Variants in ZDHHC20 observed in about 807,000 individuals in gnomAD.
ZDHHC20 encodes zDHHC palmitoyltransferase 20.
ZDHHC20 carries 43 observed loss-of-function variants against 57.8 expected under a neutral mutation model. The ratio of observed to expected loss-of-function variants is 0.74; its 90% CI spans 0.58 to 0.96. ZDHHC20 has a LOEUF of 0.96. Among genes scored for constraint, ZDHHC20 ranks in the 40% least tolerant of loss-of-function variants. ZDHHC20 has a pLI of 0.00. For missense variants in ZDHHC20, 391 were observed against 441.1 expected, an observed-to-expected ratio of 0.89 and a Z score of 1.02; for synonymous variants, 157 against 153.0, an observed-to-expected ratio of 1.03 and a Z score of -0.19.
At chr13:21,451,306 T>C (rs1884420501) in intron 1 of ZDHHC20, among the ~76,000 whole-genome samples, 1 of 152,170 alleles carries the variant, frequency 6.6e-6, no homozygotes, top group Non-Finnish European at 1.5e-5. Flanking sequence ...TGTTTGTGTG[T>C]CCTAACATTC....
At chr13:21,387,675 T>TA (rs1158382443) in intron 8 of ZDHHC20, 41 bp from the exon 9 acceptor site, 6 of 1,245,610 alleles carry the variant, frequency 4.8e-6, no homozygotes, top group Non-Finnish European at 5.2e-6. Context: ...TTAATCTATT[T>TA]AAAAATTATA....
chr13:21,438,567 A>G (rs1882792158), intron 1 of ZDHHC20, among the ~76,000 whole-genome samples: 1 of 152,244 alleles, frequency 6.6e-6, no homozygotes, highest in Non-Finnish European at 1.5e-5. Flanking sequence ...GGAAGAGAAA[A>G]GAAAATGGTT....
intron 3 of ZDHHC20, among the ~76,000 whole-genome samples, chr13:21,415,725 A>G (rs960529158): frequency 2.0e-5 from 3 of 152,226 alleles, no homozygotes; most frequent in Non-Finnish European, 2.9e-5. Context: ...TATTCATAGT[A>G]GAGTATAAAA....
intron 3 of ZDHHC20, among the ~76,000 whole-genome samples, chr13:21,418,508 C>T (rs1232144739): frequency 6.6e-6 from 1 of 152,092 alleles, no homozygotes; most frequent in Non-Finnish European, 1.5e-5. Flanking sequence ...CTAATTTGCT[C>T]AATTATTATA....
intron 1 of ZDHHC20, among the ~76,000 whole-genome samples, chr13:21,453,419 G>A (rs1487551152): frequency 2.0e-5 from 3 of 152,182 alleles, no homozygotes; most frequent in Non-Finnish European, 4.4e-5. Context: ...TAGAGGACTT[G>A]AATAACACTA....
intron 8 of ZDHHC20, among the ~76,000 whole-genome samples, chr13:21,388,467 C>T (rs1183135154): frequency 1.3e-5 from 2 of 152,018 alleles, no homozygotes; most frequent in Non-Finnish European, 2.9e-5. Flanking sequence ...CTTTCTTCCT[C>T]AGAAGTTAGA....
intron 1 of ZDHHC20, among the ~76,000 whole-genome samples, chr13:21,444,735 G>A (rs970321663): frequency 3.3e-5 from 5 of 152,048 alleles, no homozygotes; most frequent in South Asian, 2.1e-4. Context: ...GCTCTTGATA[G>A]GTACTGTTAT....
intron 1 of ZDHHC20, among the ~76,000 whole-genome samples, chr13:21,426,607 C>CA (rs1555262779): frequency 1.5e-5 from 2 of 135,376 alleles, no homozygotes; most frequent in Admixed American, 7.7e-5. Flanking sequence ...TTCTCCTTTT[C>CA]TTTTTTTTTT....
At position 21,383,018 on chromosome 13, in the gene ZDHHC20, T is replaced by C. The variant is rs766589429; in HGVS notation, c.855-9A>G. On this transcript the variant is annotated splice_polypyrimidine_tract_variant and intron_variant, in intron 9 of 12. Coordinates refer to ENST00000400590, the MANE Select transcript of ZDHHC20 (RefSeq NM_001330059.2). Reference sequence around the variant, plus strand: ...TGCAACCATCACCCAAGCTGCATAATGAAAAAGAGTAATAATTTAAATAAT... The same window carrying C: ...TGCAACCATCACCCAAGCTGCATAACGAAAAAGAGTAATAATTTAAATAAT... 167 of 1,550,964 alleles carry C rather than the reference T, an allele frequency of 1.1e-4. No homozygotes were observed. The Middle Eastern group carries it at 1.5e-3, about 14-fold the overall frequency.
At position 21,373,921 on chromosome 13, in the gene ZDHHC20, AAAGAT is replaced by A. The variant is rs1259347818; in HGVS notation, c.*2770_*2774del. 2 of 152,332 alleles carry A rather than the reference AAAGAT, an allele frequency of 1.3e-5. No individual in the cohort carries two copies. Among genetic ancestry groups the A allele is most frequent in the African/African-American group, 4.8e-5 (2 of 41,464 alleles). The allele number at this position is 152,332 out of a possible 1,614,324, so 9.4% of individuals were successfully genotyped here. A position where few individuals can be genotyped will look rare whatever the true frequency, so the allele number is the denominator to read the frequency against. ...CAAAATGCTGGCTGTAAATTAAATC[AAAGAT>A]AAGTAATTCAAAGGCTTTAACTGAA... On this transcript the variant is annotated 3_prime_UTR_variant, in exon 13 of 13. Transcript: ENST00000400590.
In ZDHHC20 at chr13:21,383,019, GA is replaced by G; in HGVS notation, c.855-11del. 1 of 1,550,418 alleles carries G rather than the reference GA, an allele frequency of 6.4e-7. No homozygotes were observed. Among genetic ancestry groups the G allele is most frequent in the Non-Finnish European group, 8.7e-7 (1 of 1,145,300 alleles). ...GCAACCATCACCCAAGCTGCATAAT[GA>G]AAAAGAGTAATAATTTAAATAATGT... On this transcript the variant is annotated splice_polypyrimidine_tract_variant and intron_variant, in intron 9 of 12. Coordinates refer to ENST00000400590, the MANE Select transcript of ZDHHC20 (RefSeq NM_001330059.2).
rs1472156272 is a variant in ZDHHC20, at chr13:21,373,389, T to C, written c.*3307A>G. ...AATAGAAATACAATTCAAGTAAACA[T>C]TGCATATTTGATTTAAACCACCTTA... On this transcript the variant is annotated 3_prime_UTR_variant, in exon 13 of 13. Coordinates refer to ENST00000400590, the MANE Select transcript of ZDHHC20 (RefSeq NM_001330059.2). 1.3e-5 allele frequency: 2 copies of C among 152,196 alleles called. No individual in the cohort carries two copies. Among genetic ancestry groups the C allele is most frequent in the Non-Finnish European group, 2.9e-5 (2 of 68,034 alleles). The allele number at this position is 152,196 out of a possible 1,614,324, so 9.4% of individuals were successfully genotyped here.
intron 4 of ZDHHC20, among the ~76,000 whole-genome samples, chr13:21,403,129 G>A (rs1443589816): frequency 6.6e-6 from 1 of 152,056 alleles, no homozygotes; most frequent in African/African-American, 2.4e-5. Flanking sequence ...ACTCATACAA[G>A]GTCAAACACC....
intron 1 of ZDHHC20, among the ~76,000 whole-genome samples, chr13:21,428,148 C>A (rs996456747): frequency 7.9e-5 from 12 of 152,120 alleles, no homozygotes; most frequent in Admixed American, 3.3e-4. Flanking sequence ...CTGGGAACAG[C>A]AATCTGCAGA....
intron 4 of ZDHHC20, 43 bp from the exon 5 acceptor site, chr13:21,402,909 A>C: frequency 6.9e-7 from 1 of 1,448,648 alleles, no homozygotes; most frequent in Admixed American, 2.0e-5. Context: ...GGATGTACAA[A>C]CTTAACTAAT....
At chr13:21,389,966 C>CA (rs537622609) in intron 8 of ZDHHC20, among the ~76,000 whole-genome samples, 15 of 150,936 alleles carry the variant, frequency 9.9e-5, no homozygotes, top group African/African-American at 2.4e-4. Flanking sequence ...ATAAAGATGA[C>CA]AAAAAAAAGT....
At chr13:21,418,128 G>C (rs1356514775) in intron 3 of ZDHHC20, among the ~76,000 whole-genome samples, 13 of 152,312 alleles carry the variant, frequency 8.5e-5, no homozygotes, top group Admixed American at 7.8e-4. Context: ...AGTGCAGAAT[G>C]CAACGTAAAT....
intron 4 of ZDHHC20, among the ~76,000 whole-genome samples, chr13:21,408,280 T>C (rs1482663044): frequency 6.6e-6 from 1 of 152,222 alleles, no homozygotes; most frequent in Non-Finnish European, 1.5e-5. Context: ...TTTGTTTGTG[T>C]CCTCTTTTAT....
intron 7 of ZDHHC20, among the ~76,000 whole-genome samples, chr13:21,394,752 G>A (rs1451338132): frequency 6.6e-6 from 1 of 152,180 alleles, no homozygotes; most frequent in Non-Finnish European, 1.5e-5. Flanking sequence ...AAGGGGTATG[G>A]TTAGTATGTT....
Sources: gnomAD v4.1 joint callset for allele counts (sites outside exome capture counted in the v4.1 genomes callset) on GRCh38, gnomAD v4.1.1 for gene constraint, MANE v1.5 for transcripts, NCBI Gene and HGNC (gene_info 2026-07-23, HGNC 2026-07-21) for gene names.